Variants in SP4 observed in about 807,000 individuals in gnomAD.
SP4 encodes the protein Sp4 transcription factor, also known as transcription factor Sp4.
Under a neutral mutation model 72.8 loss-of-function variants are expected in SP4, and 19 were observed. The observed-to-expected ratio is 0.26, with a 90% CI of 0.18 to 0.38. The LOEUF is 0.38. SP4 is among the 10% of genes least tolerant of loss of function. SP4 has a pLI of 1.00. For synonymous variants in SP4, 395 were observed against 333.1 expected (o/e 1.19, Z -2.02); for missense variants, 1,008 against 926.3 (o/e 1.09, Z -1.14).
At chr7:21,444,934 C>G (rs527255009) in intron 3 of SP4, among the ~76,000 whole-genome samples, 6 of 152,220 alleles carry the variant, frequency 3.9e-5, no homozygotes, top group African/African-American at 9.6e-5. Flanking sequence ...ATTCCTAGAT[C>G]TTTAGCTGAG....
At chr7:21,471,826 T>C (rs2128407247) in intron 3 of SP4, among the ~76,000 whole-genome samples, 1 of 152,264 alleles carries the variant, frequency 6.6e-6, no homozygotes, top group African/African-American at 2.4e-5. Context: ...AGAGCAAGAC[T>C]CCATTTATTA....
chr7:21,429,766 G>T lies in SP4; in HGVS notation c.601G>T (p.Ala201Ser). 6.2e-7 allele frequency: 1 copy of T among 1,614,066 alleles called. No individual in the cohort carries two copies. Among genetic ancestry groups the T allele is most frequent in the Non-Finnish European group, 8.5e-7 (1 of 1,179,980 alleles). Reference sequence around the variant, plus strand: ...GCAGGGTCAAATTCAGCTCATTTCTGCAGGTAATAATCAAGCTATACTCAC... The same window carrying T: ...GCAGGGTCAAATTCAGCTCATTTCTTCAGGTAATAATCAAGCTATACTCAC... ...DLQGQIQLIS[A>S]GNNQAILTAA... The change falls in exon 3 of 6, where the codon GCA (alanine) becomes TCA (serine). Residue 201 changes from alanine (A) to serine (S), a missense_variant. Physicochemically the swap from Ala to Ser is moderately conservative, Grantham distance 99. Coordinates refer to ENST00000222584, the MANE Select transcript of SP4 (RefSeq NM_003112.5).
intron 4 of SP4, among the ~76,000 whole-genome samples, chr7:21,478,242 A>C (rs1784573146): frequency 6.6e-6 from 1 of 152,172 alleles, no homozygotes; most frequent in African/African-American, 2.4e-5. Context: ...ATGGATATAC[A>C]ATATTTTTGT....
chr7:21,501,121 C>G (rs529240383), intron 5 of SP4, among the ~76,000 whole-genome samples: 1 of 152,278 alleles, frequency 6.6e-6, no homozygotes, highest in African/African-American at 2.4e-5. Context: ...CATTATCCCC[C>G]TAATAAGGGT....
At chr7:21,445,988 A>ATG (rs4000966) in intron 3 of SP4, among the ~76,000 whole-genome samples, 5,448 of 143,132 alleles carry the variant, frequency 0.038, 122 homozygotes, top group Non-Finnish European at 0.051. Flanking sequence ...TCTTATGTGT[A>ATG]TGTGTGTGTG....
At position 21,511,380 on chromosome 7, in the gene SP4, T is replaced by A; in HGVS notation, c.*111T>A. ...AGAGTAGGAAATTATGTTTTCATTC[T>A]TGGCTTCTTTAAGTATTCCAGGGTT... On this transcript the variant is annotated 3_prime_UTR_variant, in exon 6 of 6. Transcript: ENST00000222584. 8.6e-7 allele frequency: 1 copy of A among 1,167,488 alleles called. No homozygotes were observed. The highest frequency in any genetic ancestry group is 1.2e-6 in the Non-Finnish European group (1 of 834,960). The allele number at this position is 1,167,488 out of a possible 1,614,324, so 72.3% of individuals were successfully genotyped here.
rs1226156874 is a variant in SP4 at position 21,477,203 on chromosome 7, G to T, written c.1803G>T (p.Val601=). 3 of 1,614,208 alleles carry T rather than the reference G, an allele frequency of 1.9e-6. No individual in the cohort carries two copies. In the Admixed American group the frequency reaches 5.0e-5, roughly 27 times the overall value. ...TTAGTCCTGACCAACTCACACAAGT[G>T]CATTTGCAGCAAGGCCAGCAGACTT... is the stretch of plus-strand genomic sequence containing the variant. ...GAVSPDQLTQ[V]HLQQGQQTSD... Residue 601 remains valine, a synonymous_variant, in exon 4 of 6, where the codon GTG becomes GTT. Coordinates refer to ENST00000222584, the MANE Select transcript of SP4 (RefSeq NM_003112.5).
chr7:21,443,369 GA>G (rs1783319754), intron 3 of SP4, among the ~76,000 whole-genome samples: 1 of 152,130 alleles, frequency 6.6e-6, no homozygotes, highest in Non-Finnish European at 1.5e-5. Flanking sequence ...GAAATAAAGG[GA>G]ATTTAAATCT....
chr7:21,481,752 G>C (rs1367681744), intron 4 of SP4, among the ~76,000 whole-genome samples, 172 bp from the exon 5 acceptor site: 1 of 152,092 alleles, frequency 6.6e-6, no homozygotes, highest in East Asian at 1.9e-4. Flanking sequence ...ACACAGACCT[G>C]TTTTATTTTG....
rs1367359692 is a variant in SP4, at chr7:21,428,672, T to C, written c.8-5T>C. 1 of 1,546,752 alleles carries C rather than the reference T, an allele frequency of 6.5e-7. No homozygotes were observed. Reference sequence around the variant, plus strand: ...GTGTGTGTGTGGTGGGGGGGTTTGTTGCAGATCAGAAGAAGGAGGAGGAGG... The same window carrying C: ...GTGTGTGTGTGGTGGGGGGGTTTGTCGCAGATCAGAAGAAGGAGGAGGAGG... On this transcript the variant is annotated splice_polypyrimidine_tract_variant and splice_region_variant and intron_variant, in intron 1 of 5. Coordinates refer to ENST00000222584, the MANE Select transcript of SP4 (RefSeq NM_003112.5).
At chr7:21,433,238 T>A (rs1782924915) in intron 3 of SP4, among the ~76,000 whole-genome samples, 2 of 152,366 alleles carry the variant, frequency 1.3e-5, no homozygotes, top group African/African-American at 4.8e-5. Flanking sequence ...TTTTTTCACT[T>A]AAAGGATTTA....
chr7:21,511,259 A>C lies in SP4; in HGVS notation c.2345A>C (p.Glu782Ala), dbSNP rs1782136332. The C allele has an allele frequency of 6.2e-7, 1 of 1,613,860 alleles. No homozygotes were observed. Among genetic ancestry groups the C allele is most frequent in the Non-Finnish European group, 8.5e-7 (1 of 1,179,844 alleles). Residue 782 changes from glutamate to alanine, a missense_variant, in exon 6 of 6, where the codon GAA becomes GCA. By Grantham distance (107) the Glu-to-Ala change is moderately radical. Coordinates refer to ENST00000222584, the MANE Select transcript of SP4 (RefSeq NM_003112.5). ...ACTCCCAATGTTTCAACCAACATGGAAGAATTCTGAAAAGTTATTTATAAC... is the reference window on the plus strand; with the variant it reads ...ACTCCCAATGTTTCAACCAACATGGCAGAATTCTGAAAAGTTATTTATAAC... Reference protein sequence around the residue: ...PATPNVSTNMEEF With the variant: ...PATPNVSTNMAEF
At chr7:21,484,927 T>G (rs1784773308) in intron 5 of SP4, among the ~76,000 whole-genome samples, 1 of 151,896 alleles carries the variant, frequency 6.6e-6, no homozygotes, top group Admixed American at 6.6e-5. Flanking sequence ...AAAAAAAAGA[T>G]TCACACCATT....
At position 21,429,513 on chromosome 7, in the gene SP4, C is replaced by G. The variant is rs760721616; in HGVS notation, c.348C>G (p.Asn116Lys). The change falls in exon 3 of 6, where the codon AAC (asparagine) becomes AAG (lysine). Residue 116 changes from asparagine to lysine, a missense_variant. Asn to Lys is a moderately conservative substitution (Grantham distance 94). Transcript: ENST00000222584. ...ASTPPASKEN[N>K]VSQPASSSSS... Reference sequence around the variant, plus strand: ...CTCCTCCTGCTTCAAAAGAGAATAACGTTTCTCAACCAGCCTCTAGTTCGT... The same window carrying G: ...CTCCTCCTGCTTCAAAAGAGAATAAGGTTTCTCAACCAGCCTCTAGTTCGT... The G allele has an allele frequency of 1.2e-5, 19 of 1,614,004 alleles. No individual in the cohort carries two copies. Among genetic ancestry groups the G allele is most frequent in the Non-Finnish European group, 1.6e-5 (19 of 1,179,990 alleles).
At chr7:21,497,325 T>C (rs1027873081) in intron 5 of SP4, among the ~76,000 whole-genome samples, 3 of 152,162 alleles carry the variant, frequency 2.0e-5, no homozygotes, top group African/African-American at 7.2e-5. Context: ...CAGGCTGTTA[T>C]TTTTCAAGGC....
chr7:21,458,499 A>G (rs1043482398), intron 3 of SP4, among the ~76,000 whole-genome samples: 4 of 152,220 alleles, frequency 2.6e-5, no homozygotes, highest in African/African-American at 4.8e-5. Context: ...ATGTCTATAA[A>G]TGAGTTTTTA....
chr7:21,478,828 G>A (rs1048789614), intron 4 of SP4, among the ~76,000 whole-genome samples: 13 of 152,028 alleles, frequency 8.6e-5, no homozygotes, highest in Admixed American at 7.2e-4. Flanking sequence ...CCAGCACTTC[G>A]GGAGGCCAAG....
intron 3 of SP4, chr7:21,471,144 G>T (rs1381516732): frequency 1.9e-6 from 1 of 534,426 alleles, no homozygotes; most frequent in Admixed American, 1.9e-5. Flanking sequence ...GAGCAGGAGT[G>T]CCAAGAGATG....
rs754709044 is a variant in SP4 at position 21,511,043 on chromosome 7, C to G, written c.2129C>G (p.Pro710Arg). The G allele has an allele frequency of 5.6e-6, 9 of 1,609,202 alleles. No individual in the cohort carries two copies. Among genetic ancestry groups the G allele is most frequent in the Non-Finnish European group, 7.7e-6 (9 of 1,176,408 alleles). ...GTAGGTGAAAAGAGATTTGAATGCC[C>G]GGAATGTTCTAAAAGGTTTATGCGG... The part of the protein sequence containing the change: ...THTGEKRFEC[P>R]ECSKRFMRSD... Residue 710 changes from proline (P) to arginine (R), a missense_variant, in exon 6 of 6, where the codon CCG becomes CGG. Pro to Arg is a moderately radical substitution (Grantham distance 103, BLOSUM62 -2). This residue lies in a region of SP4 where 48 missense variants were observed against 117.0 expected (regional missense o/e 0.41). Coordinates refer to ENST00000222584, the MANE Select transcript of SP4 (RefSeq NM_003112.5).
Sources: gnomAD v4.1 joint callset for allele counts (sites outside exome capture counted in the v4.1 genomes callset) on GRCh38, gnomAD v4.1.1 for gene constraint, gnomAD v4.1.1 regional missense constraint, MANE v1.5 for transcripts, NCBI Gene and HGNC (gene_info 2026-07-23, HGNC 2026-07-21) for gene names.